Variants in MTMR2 observed in about 807,000 individuals in gnomAD.
MTMR2 encodes myotubularin related protein 2.
MTMR2 carries 55 observed loss-of-function variants against 86.9 expected under a neutral mutation model. The observed-to-expected ratio is 0.63, with a 90% CI of 0.51 to 0.79. MTMR2 has a LOEUF of 0.79. Ranked by LOEUF, MTMR2 falls within the 30% of genes least tolerant of loss-of-function variation. The pLI, the probability that MTMR2 is intolerant of heterozygous loss-of-function variation, is 0.00. For missense variants in MTMR2, 659 were observed against 772.3 expected (o/e 0.85, Z 1.74); for synonymous variants, 241 against 266.8 (o/e 0.90, Z 0.94).
chr11:95,892,463 CCT>C (rs1400561650), intron 1 of MTMR2, among the ~76,000 whole-genome samples: 1 of 152,120 alleles, frequency 6.6e-6, no homozygotes, highest in Non-Finnish European at 1.5e-5. Context: ...TACATGGCCA[CCT>C]CTTTTTAAAA....
At chr11:95,882,889 A>ATTTTTTT (rs776661875) in intron 2 of MTMR2, among the ~76,000 whole-genome samples, 16 of 76,082 alleles carry the variant, frequency 2.1e-4, no homozygotes, top group African/African-American at 7.1e-4. Context: ...CATCCAGCTA[A>ATTTTTTT]TTTTTTTTTT....
At chr11:95,865,500 G>A in intron 3 of MTMR2, 101 bp downstream of exon 3, 3 of 1,070,224 alleles carry the variant, frequency 2.8e-6, no homozygotes, top group South Asian at 1.3e-5. Context: ...CCAGACAGGA[G>A]GTGTCTCTGA....
intron 2 of MTMR2, among the ~76,000 whole-genome samples, chr11:95,873,164 T>C (rs571716606): frequency 1.9e-3 from 295 of 152,308 alleles, no homozygotes; most frequent in African/African-American, 6.5e-3. Flanking sequence ...TCTTTTTCTA[T>C]TGATTGGAAT....
At chr11:95,920,982 C>T (rs1866899859) in intron 1 of MTMR2, among the ~76,000 whole-genome samples, 1 of 152,148 alleles carries the variant, frequency 6.6e-6, no homozygotes, top group Admixed American at 6.5e-5. Context: ...GGGCTTCAGA[C>T]ATCTAATCAA....
In MTMR2 at chr11:95,905,328, T is replaced by TGCGCGC. The variant is rs201740423; in HGVS notation, c.81-17068_81-17067insGCGCGC. Among the ~76,000 whole-genome samples, 31 of 47,834 alleles carry TGCGCGC rather than the reference T, an allele frequency of 6.5e-4. No individual in the cohort carries two copies. In the South Asian group the frequency reaches 8.0e-3, roughly 12 times the overall value. The allele number at this position is 47,834 out of a possible 152,430, so 31.4% of individuals were successfully genotyped here. On this transcript the variant is annotated intron_variant, in intron 1 of 14. Transcript: ENST00000346299. ...ATTCTTACACACACACGCACGCACC[T>TGCGCGC]GCGCACACACACACACACACACACA... is the stretch of plus-strand genomic sequence containing the variant.
chr11:95,905,922 T>C lies in MTMR2; in HGVS notation c.81-17661A>G, dbSNP rs548645838. Among the ~76,000 whole-genome samples the C allele has an allele frequency of 4.3e-4, 66 of 152,218 alleles. 1 individual carries two copies. In the South Asian group the frequency reaches 0.013, roughly 30 times the overall value. On this transcript the variant is annotated intron_variant, in intron 1 of 14. Coordinates refer to ENST00000346299, the MANE Select transcript of MTMR2 (RefSeq NM_016156.6). ...AAAAAAAAACTATGGTTTGCTATCCTAATTTCAGATGAAACAGACTTGGCC... is the reference window on the plus strand; with the variant it reads ...AAAAAAAAACTATGGTTTGCTATCCCAATTTCAGATGAAACAGACTTGGCC...
Position 95,879,666 on chromosome 11 carries a change from T to C in MTMR2, c.186+8490A>G, listed in dbSNP as rs550489270. Among the ~76,000 whole-genome samples the C allele has an allele frequency of 5.3e-5, 8 of 152,242 alleles. No individual in the cohort carries two copies. In the South Asian group the frequency reaches 1.7e-3, roughly 32 times the overall value. ...AATGGGAGCTTATTATTCACAATGT[T>C]CTTCTGTCCTTGGATTTTTAATCTA... is the stretch of plus-strand genomic sequence containing the variant. On this transcript the variant is annotated intron_variant, in intron 2 of 14. Coordinates refer to ENST00000346299, the MANE Select transcript of MTMR2 (RefSeq NM_016156.6).
At chr11:95,844,198 G>A (rs940466475) in intron 11 of MTMR2, among the ~76,000 whole-genome samples, 1 of 152,112 alleles carries the variant, frequency 6.6e-6, no homozygotes, top group Non-Finnish European at 1.5e-5. Flanking sequence ...TTTGAAGTAC[G>A]AGTTTGTTTT....
intron 10 of MTMR2, among the ~76,000 whole-genome samples, chr11:95,845,396 A>G (rs905213971): frequency 1.3e-4 from 20 of 152,202 alleles, no homozygotes; most frequent in Admixed American, 5.2e-4. Context: ...AGCCAAATCA[A>G]AAGTACCTTT....
intron 11 of MTMR2, among the ~76,000 whole-genome samples, chr11:95,843,357 T>C (rs1863631951): frequency 2.0e-5 from 3 of 152,168 alleles, no homozygotes; most frequent in South Asian, 4.1e-4. Flanking sequence ...ATAACCAATA[T>C]GTGATGTTAC....
intron 7 of MTMR2, among the ~76,000 whole-genome samples, chr11:95,855,293 T>G (rs768946874): frequency 3.9e-5 from 6 of 152,232 alleles, no homozygotes; most frequent in Non-Finnish European, 7.3e-5. Context: ...CATCTCACTA[T>G]TGCCCAAGCT....
intron 9 of MTMR2, 127 bp downstream of exon 9, chr11:95,849,547 G>T: frequency 1.2e-6 from 1 of 846,778 alleles, no homozygotes. Flanking sequence ...CCATCAAGTT[G>T]AAGAGCCAAG....
At chr11:95,902,597 C>A (rs1035549457) in intron 1 of MTMR2, among the ~76,000 whole-genome samples, 5 of 152,136 alleles carry the variant, frequency 3.3e-5, no homozygotes, top group Non-Finnish European at 7.4e-5. Context: ...ACCTCCCATT[C>A]ACTCCCTATT....
chr11:95,885,169 T>TA (rs745872450), intron 2 of MTMR2, among the ~76,000 whole-genome samples: 8 of 152,146 alleles, frequency 5.3e-5, no homozygotes, highest in Non-Finnish European at 8.8e-5. Context: ...TCAGGACACT[T>TA]ACGTCTAACG....
intron 2 of MTMR2, chr11:95,882,246 C>T (rs1865351242): frequency 6.6e-6 from 1 of 151,996 alleles, no homozygotes; most frequent in Admixed American, 6.6e-5. Flanking sequence ...GCCTGTAATC[C>T]CAACACTCTC....
chr11:95,862,924 A>G (rs1480999163), intron 3 of MTMR2, among the ~76,000 whole-genome samples: 1 of 152,234 alleles, frequency 6.6e-6, no homozygotes, highest in African/African-American at 2.4e-5. Flanking sequence ...AAATAACAGT[A>G]TAAGAAGAGG....
In MTMR2 at chr11:95,841,677, A is replaced by C; in HGVS notation, c.1419T>G (p.Asp473Glu). ...RVGHGDKNHA[D>E]ADRSPVFLQF... ...GAAGAAAAACAGGCGATCTGTCTGC[A>C]TCTGCATGGTTCTTATCTCCATGGC... Residue 473 changes from aspartate to glutamate, a missense_variant, in exon 12 of 15, where the codon GAT becomes GAG. Physicochemically the swap from Asp to Glu is conservative, Grantham distance 45. Transcript: ENST00000346299. The C allele has an allele frequency of 6.2e-7, 1 of 1,613,870 alleles. No individual in the cohort carries two copies.
At chr11:95,908,259 A>T (rs1334111150) in intron 1 of MTMR2, among the ~76,000 whole-genome samples, 1 of 152,182 alleles carries the variant, frequency 6.6e-6, no homozygotes, top group Non-Finnish European at 1.5e-5. Flanking sequence ...TATAAAAAAA[A>T]TACCTAGGAA....
In MTMR2 at chr11:95,834,186, A is replaced by AAAAT. The variant is rs886048767; in HGVS notation, c.*1100_*1103dup. The AAAAT allele has an allele frequency of 6.6e-6, 1 of 152,566 alleles. No individual in the cohort carries two copies. The highest frequency in any genetic ancestry group is 2.4e-5 in the African/African-American group (1 of 41,452). The allele number at this position is 152,566 out of a possible 1,614,324, so 9.5% of individuals were successfully genotyped here. On this transcript the variant is annotated 3_prime_UTR_variant, in exon 15 of 15. Transcript: ENST00000346299. The stretch of plus-strand genomic sequence containing the variant: ...ATTACATATGGCTCTTATGTAGAAT[A>AAAAT]AAATAGACATCAGAGTCAAATGTTT...
Sources: gnomAD v4.1 joint callset for allele counts (sites outside exome capture counted in the v4.1 genomes callset) on GRCh38, gnomAD v4.1.1 for gene constraint, MANE v1.5 for transcripts, NCBI Gene and HGNC (gene_info 2026-07-23, HGNC 2026-07-21) for gene names.